The following DPCD variants were observed in gnomAD, a reference collection of about 807,000 sequenced individuals.
DPCD encodes protein DPCD.
DPCD carries 20 observed loss-of-function variants against 26.4 expected under a neutral mutation model. That is an observed-to-expected ratio of 0.76 (90% CI 0.53 to 1.10). DPCD has a LOEUF of 1.10. Ranked by LOEUF, DPCD falls within the 50% of genes least tolerant of loss-of-function variation. DPCD has a pLI of 0.00. For synonymous variants in DPCD, 97 were observed against 94.2 expected, an observed-to-expected ratio of 1.03 and a Z score of -0.17; for missense variants, 202 against 253.9, an observed-to-expected ratio of 0.80 and a Z score of 1.39.
Position 101,601,253 on chromosome 10 carries a change from A to G in DPCD, c.321A>G (p.Arg107=). ...AGATGAGTTTCCAGTGGCGGATTCGAAACCTCCCCTATCCTAAGGATGTCT... is the reference window on the plus strand; with the variant it reads ...AGATGAGTTTCCAGTGGCGGATTCGGAACCTCCCCTATCCTAAGGATGTCT... The part of the protein sequence containing the change: ...DTKMSFQWRI[R]NLPYPKDVYS... Residue 107 remains arginine (R), a synonymous_variant, in exon 4 of 6, where the codon CGA becomes CGG. Transcript: ENST00000370151. The G allele has an allele frequency of 6.2e-7, 1 of 1,613,752 alleles. No individual in the cohort carries two copies. Among genetic ancestry groups the G allele is most frequent in the South Asian group, 1.1e-5 (1 of 91,044 alleles).
intron 1 of DPCD, among the ~76,000 whole-genome samples, chr10:101,590,062 G>GAAA (rs1564889361): frequency 4.4e-5 from 5 of 113,862 alleles, no homozygotes; most frequent in African/African-American, 1.3e-4. Context: ...CAAAAAAACT[G>GAAA]GAAAAAAAAA....
rs201879148 is a variant in DPCD, at chr10:101,609,496, A to C, written c.*25A>C. 1 of 1,602,468 alleles carries C rather than the reference A, an allele frequency of 6.2e-7. No homozygotes were observed. The highest frequency in any genetic ancestry group is 1.3e-5 in the African/African-American group (1 of 74,822). ...GTTGGCCCCTGAGCCTTATACCTCC[A>C]CCACAGGGGGTGCCGTGAGACTTCA... On this transcript the variant is annotated 3_prime_UTR_variant, in exon 6 of 6. Transcript: ENST00000370151.
chr10:101,608,415 G>T (rs983144469), intron 4 of DPCD, among the ~76,000 whole-genome samples: 2 of 152,246 alleles, frequency 1.3e-5, no homozygotes, highest in African/African-American at 4.8e-5. Flanking sequence ...TTGGGAGACA[G>T]ATCTGAATGT....
At chr10:101,588,631 C>A in intron 1 of DPCD, 2 of 1,362,972 alleles carry the variant, frequency 1.5e-6, no homozygotes, top group Non-Finnish European at 1.9e-6. Context: ...GCTCTGATTT[C>A]TGTTGCTAAT....
At chr10:101,609,308 G>A in intron 5 of DPCD, 59 bp from the exon 6 acceptor site, 1 of 1,558,470 alleles carries the variant, frequency 6.4e-7, no homozygotes, top group Non-Finnish European at 8.8e-7. Context: ...CCCCAAGTGT[G>A]TGTGGAAGGA....
intron 1 of DPCD, among the ~76,000 whole-genome samples, chr10:101,590,000 C>T (rs1589718469): frequency 6.6e-6 from 1 of 150,990 alleles, no homozygotes; most frequent in South Asian, 2.1e-4. Flanking sequence ...CAGCAGTGAG[C>T]CGAGATCATG....
rs149755626 is a variant in DPCD at position 101,609,397 on chromosome 10, G to A, written c.538G>A (p.Glu180Lys). The change falls in exon 6 of 6, where the codon GAG (glutamate) becomes AAG (lysine). Residue 180 changes from glutamate (E) to lysine (K), a missense_variant. Glu to Lys is a moderately conservative substitution (Grantham distance 56, BLOSUM62 1). This residue lies in a region of DPCD where 118 missense variants were observed against 145.1 expected (regional missense o/e 0.81). Coordinates refer to ENST00000370151, the MANE Select transcript of DPCD (RefSeq NM_015448.3). The stretch of plus-strand genomic sequence containing the variant: ...GAAGCCAAAGGAGGTTGTGGTGGCC[G>A]AGTCTGAGCTACAGAAGGAACTAAA... ...YQKPKEVVVA[E>K]SELQKELKKV... The A allele has an allele frequency of 9.3e-6, 15 of 1,614,030 alleles. No individual in the cohort carries two copies. The highest frequency in any genetic ancestry group is 4.5e-5 in the East Asian group (2 of 44,900).
chr10:101,609,489 T>C lies in DPCD; in HGVS notation c.*18T>C. On this transcript the variant is annotated 3_prime_UTR_variant, in exon 6 of 6. Transcript: ENST00000370151. ...CCCAGTAGTTGGCCCCTGAGCCTTATACCTCCACCACAGGGGGTGCCGTGA... is the reference window on the plus strand; with the variant it reads ...CCCAGTAGTTGGCCCCTGAGCCTTACACCTCCACCACAGGGGGTGCCGTGA... The C allele has an allele frequency of 6.2e-7, 1 of 1,610,054 alleles. No individual in the cohort carries two copies. Among genetic ancestry groups the C allele is most frequent in the Non-Finnish European group, 8.5e-7 (1 of 1,177,206 alleles).
chr10:101,600,581 A>T lies in DPCD; in HGVS notation c.146-157A>T, dbSNP rs951232524. 4.6e-5 allele frequency among the ~76,000 whole-genome samples: 7 copies of T among 152,168 alleles called. No individual in the cohort carries two copies. Among genetic ancestry groups the T allele is most frequent in the African/African-American group, 1.7e-4 (7 of 41,430 alleles). On this transcript the variant is annotated intron_variant, in intron 2 of 5. Transcript: ENST00000370151. The surrounding 1 kb of genome is among the most constrained non-coding windows in gnomAD (Gnocchi z 4.7). ...CAGAAGTTGTGAGGTCCCTCCTTAGATTAACAAAGCTGAGAGTAAAGGCCC... is the reference window on the plus strand; with the variant it reads ...CAGAAGTTGTGAGGTCCCTCCTTAGTTTAACAAAGCTGAGAGTAAAGGCCC...
intron 4 of DPCD, 56 bp downstream of exon 4, chr10:101,601,392 G>C: frequency 6.3e-7 from 1 of 1,588,086 alleles, no homozygotes; most frequent in South Asian, 1.1e-5. Context: ...TGTAGGGTGG[G>C]GTTTGATCTG....
chr10:101,602,041 C>T (rs997129780), intron 4 of DPCD, among the ~76,000 whole-genome samples: 2 of 152,168 alleles, frequency 1.3e-5, no homozygotes, highest in Admixed American at 1.3e-4. Flanking sequence ...CCTGACTGAT[C>T]ACAGGAGAAC....
intron 2 of DPCD, among the ~76,000 whole-genome samples, chr10:101,596,097 C>G (rs1299254066): frequency 6.6e-6 from 1 of 152,170 alleles, no homozygotes; most frequent in Non-Finnish European, 1.5e-5. Context: ...GGATATGAAA[C>G]TGAAATTAAA....
chr10:101,605,049 G>A (rs780458129), intron 4 of DPCD: 113 of 1,536,722 alleles, frequency 7.4e-5, no homozygotes, highest in Non-Finnish European at 9.5e-5. Context: ...GTGTGATTGT[G>A]ACTGTCTAGC....
rs745753965 is a variant in DPCD, at chr10:101,609,418, C to T, written c.559C>T (p.Leu187=). Residue 187 remains leucine, a synonymous_variant, in exon 6 of 6, where the codon CTA becomes TTA. Coordinates refer to ENST00000370151, the MANE Select transcript of DPCD (RefSeq NM_015448.3). ...VVAESELQKE[L]KKVKTAHSND... Reference sequence around the variant, plus strand: ...GGCCGAGTCTGAGCTACAGAAGGAACTAAAGAAGGTGAAGACAGCCCACAG... The same window carrying T: ...GGCCGAGTCTGAGCTACAGAAGGAATTAAAGAAGGTGAAGACAGCCCACAG... The T allele has an allele frequency of 6.2e-7, 1 of 1,614,140 alleles. No individual in the cohort carries two copies. Among genetic ancestry groups the T allele is most frequent in the Non-Finnish European group, 8.5e-7 (1 of 1,180,016 alleles).
intron 4 of DPCD, among the ~76,000 whole-genome samples, chr10:101,608,244 A>C (rs1258527946): frequency 6.6e-6 from 1 of 152,172 alleles, no homozygotes; most frequent in Non-Finnish European, 1.5e-5. Flanking sequence ...GTGATGAGTA[A>C]CATGGTTCGT....
chr10:101,599,630 C>T (rs2063677663), intron 2 of DPCD, among the ~76,000 whole-genome samples: 1 of 152,106 alleles, frequency 6.6e-6, no homozygotes, highest in African/African-American at 2.4e-5. Flanking sequence ...CACAGCTGCT[C>T]AAAAGGTCTA....
intron 2 of DPCD, among the ~76,000 whole-genome samples, chr10:101,594,952 C>G (rs547471301): frequency 6.6e-6 from 1 of 152,232 alleles, no homozygotes; most frequent in East Asian, 1.9e-4. Flanking sequence ...CATCCCCACC[C>G]CTCACCCCAG....
chr10:101,589,540 C>G (rs886672857), intron 1 of DPCD, among the ~76,000 whole-genome samples: 6 of 152,086 alleles, frequency 3.9e-5, no homozygotes, highest in African/African-American at 1.2e-4. Context: ...CTCAGGAGTT[C>G]GAGACCAGCT....
At chr10:101,593,049 C>G (rs1174211674) in intron 1 of DPCD, among the ~76,000 whole-genome samples, 1 of 151,072 alleles carries the variant, frequency 6.6e-6, no homozygotes, top group Non-Finnish European at 1.5e-5. Context: ...CTATGAAATA[C>G]AGGTAATGAA....
Sources: allele counts gnomAD v4.1 joint callset (sites outside exome capture counted in the v4.1 genomes callset), GRCh38; gene constraint gnomAD v4.1.1; regional missense constraint gnomAD v4.1.1; non-coding constraint Gnocchi (gnomAD v3.1); transcripts MANE v1.5; gene names NCBI Gene and HGNC (gene_info 2026-07-23, HGNC 2026-07-21).